NEGR1: variants seen among roughly 807,000 people sequenced by gnomAD.
NEGR1 encodes the protein IgLON family member 4.
Under a neutral mutation model 40.9 loss-of-function variants are expected in NEGR1, and 10 were observed. That is an observed-to-expected ratio of 0.24 (90% CI 0.15 to 0.42). The LOEUF is 0.42. Ranked by LOEUF, NEGR1 falls within the 10% of genes least tolerant of loss-of-function variation. The probability of loss-of-function intolerance (pLI) is 1.00; values close to 1 mark genes in which losing one functional copy is unlikely to be tolerated. For synonymous variants in NEGR1, 185 were observed against 166.8 expected, an observed-to-expected ratio of 1.11 and a Z score of -0.84; for missense variants, 352 against 438.9, an observed-to-expected ratio of 0.80 and a Z score of 1.77.
At chr1:71,501,898 T>C (rs887002608) in intron 6 of NEGR1, among the ~76,000 whole-genome samples, 2 of 152,238 alleles carry the variant, frequency 1.3e-5, no homozygotes, top group Admixed American at 6.5e-5. Flanking sequence ...AAGTTAAACA[T>C]TGATAAACAT....
intron 4 of NEGR1, among the ~76,000 whole-genome samples, chr1:71,624,136 T>G (rs1468833799): frequency 6.6e-6 from 1 of 151,956 alleles, no homozygotes; most frequent in Non-Finnish European, 1.5e-5. Flanking sequence ...GCAAAGCTTA[T>G]CTGTGAATTT....
intron 6 of NEGR1, among the ~76,000 whole-genome samples, chr1:71,562,540 C>T (rs357214): frequency 0.58 from 87,816 of 151,698 alleles, 25,959 homozygotes; most frequent in Middle Eastern, 0.66. Flanking sequence ...GCACTAGAAT[C>T]TTATGAAATC....
chr1:71,716,401 G>T (rs1419892440), intron 3 of NEGR1, among the ~76,000 whole-genome samples: 3 of 151,948 alleles, frequency 2.0e-5, no homozygotes, highest in Non-Finnish European at 4.4e-5. Context: ...CAATAAAATT[G>T]AAATTTCAAT....
chr1:72,015,565 G>A (rs1646702012), intron 1 of NEGR1, among the ~76,000 whole-genome samples: 1 of 152,130 alleles, frequency 6.6e-6, no homozygotes, highest in Non-Finnish European at 1.5e-5. Flanking sequence ...AGCACTTTGG[G>A]AGGCCAAGGC....
intron 2 of NEGR1, among the ~76,000 whole-genome samples, chr1:71,886,989 T>G (rs1006795555): frequency 2.0e-5 from 3 of 152,098 alleles, no homozygotes; most frequent in Non-Finnish European, 4.4e-5. Flanking sequence ...AACTTCTGAC[T>G]CCCCCAAAAC....
rs535942317 is a variant in NEGR1 at position 72,169,403 on chromosome 1, A to T, written c.176+112916T>A. Reference sequence around the variant, plus strand: ...TAAACAATTTATTACACTATATATTAATTTAATAGTGGCTATATTGCTCTA... The same window carrying T: ...TAAACAATTTATTACACTATATATTTATTTAATAGTGGCTATATTGCTCTA... On this transcript the variant is annotated intron_variant, in intron 1 of 6. Transcript: ENST00000357731. 2.0e-5 allele frequency among the ~76,000 whole-genome samples: 3 copies of T among 152,308 alleles called. No individual in the cohort carries two copies. In the South Asian group the frequency reaches 6.2e-4, roughly 32 times the overall value.
chr1:71,828,071 A>G (rs1658703355), intron 2 of NEGR1, among the ~76,000 whole-genome samples: 1 of 151,930 alleles, frequency 6.6e-6, no homozygotes, highest in Non-Finnish European at 1.5e-5. Context: ...TAAATTACAG[A>G]ATTATCCCAT....
rs1294797987 is a variant in NEGR1 at position 72,099,369 on chromosome 1, TA to T, written c.177-164059del. ...ATTTCTTAAATATAAGTGAGATGCT[TA>T]AAAAAATATGTACTCTTCATTACTT... On this transcript the variant is annotated intron_variant, in intron 1 of 6. Transcript: ENST00000357731. Among the ~76,000 whole-genome samples, 6 of 152,058 alleles carry T rather than the reference TA, an allele frequency of 3.9e-5. No individual in the cohort carries two copies. In the East Asian group the frequency reaches 5.8e-4, roughly 15 times the overall value.
chr1:71,946,416 A>G (rs1054572123), intron 1 of NEGR1, among the ~76,000 whole-genome samples: 4 of 152,084 alleles, frequency 2.6e-5, no homozygotes, highest in African/African-American at 7.2e-5. Flanking sequence ...GTCTTTGCCA[A>G]CCTATAATTT....
At chr1:71,739,199 G>GAAAAA (rs776411417) in intron 3 of NEGR1, among the ~76,000 whole-genome samples, 1 of 63,644 alleles carries the variant, frequency 1.6e-5, no homozygotes, top group African/African-American at 5.5e-5. Flanking sequence ...AAGGCAGGCA[G>GAAAAA]AAAAAAAAAA....
At chr1:71,716,142 AG>A (rs553383369) in intron 3 of NEGR1, among the ~76,000 whole-genome samples, 44 of 152,286 alleles carry the variant, frequency 2.9e-4, no homozygotes, top group African/African-American at 1.0e-3. Flanking sequence ...AAGTGCCAGC[AG>A]GGGAAATGCC....
At chr1:71,874,397 G>T (rs887555182) in intron 2 of NEGR1, among the ~76,000 whole-genome samples, 1 of 152,036 alleles carries the variant, frequency 6.6e-6, no homozygotes, top group Non-Finnish European at 1.5e-5. Context: ...AAATAGTAAT[G>T]GTACATATTA....
intron 1 of NEGR1, among the ~76,000 whole-genome samples, chr1:72,277,567 TC>T (rs1333595784): frequency 6.6e-6 from 1 of 152,166 alleles, no homozygotes; most frequent in Admixed American, 6.6e-5. Context: ...AAGTAATATA[TC>T]TTGCCAATAG....
chr1:71,402,483 T>G lies in NEGR1; in HGVS notation c.*4963A>C, dbSNP rs1295860921. On this transcript the variant is annotated 3_prime_UTR_variant, in exon 7 of 7. Coordinates refer to ENST00000357731, the MANE Select transcript of NEGR1 (RefSeq NM_173808.3). Reference sequence around the variant, plus strand: ...AGAAGAATGAAACGTATTCCTCTTTTCCTTTTCTCTAGGAATACCGGAAAG... The same window carrying G: ...AGAAGAATGAAACGTATTCCTCTTTGCCTTTTCTCTAGGAATACCGGAAAG... 1 of 152,154 alleles carries G rather than the reference T, an allele frequency of 6.6e-6. No individual in the cohort carries two copies. The highest frequency in any genetic ancestry group is 1.5e-5 in the Non-Finnish European group (1 of 67,992). The allele number at this position is 152,154 out of a possible 1,614,324, so 9.4% of individuals were successfully genotyped here.
At chr1:71,917,037 C>G (rs1661604451) in intron 2 of NEGR1, among the ~76,000 whole-genome samples, 1 of 152,108 alleles carries the variant, frequency 6.6e-6, no homozygotes, top group Admixed American at 6.5e-5. Flanking sequence ...TGTGTATATG[C>G]CCTCTATAGC....
chr1:71,675,966 C>T (rs1443453336), intron 4 of NEGR1, among the ~76,000 whole-genome samples: 3 of 151,792 alleles, frequency 2.0e-5, no homozygotes, highest in Admixed American at 6.6e-5. Flanking sequence ...CTGCCTGGAC[C>T]GATTTTAGTT....
At chr1:72,117,388 C>T (rs1649623322) in intron 1 of NEGR1, among the ~76,000 whole-genome samples, 1 of 151,788 alleles carries the variant, frequency 6.6e-6, no homozygotes, top group African/African-American at 2.4e-5. Flanking sequence ...CAGCAGTGTT[C>T]TGAACACAGC....
intron 4 of NEGR1, among the ~76,000 whole-genome samples, chr1:71,658,450 A>C (rs1445027450): frequency 6.6e-6 from 1 of 152,222 alleles, no homozygotes; most frequent in Non-Finnish European, 1.5e-5. Flanking sequence ...CCACATTTTC[A>C]AGTCTGTGCC....
chr1:72,282,235 G>C, intron 1 of NEGR1, 84 bp downstream of exon 1: 2 of 1,448,918 alleles, frequency 1.4e-6, no homozygotes, highest in East Asian at 2.3e-5. Context: ...ATTATTGCTT[G>C]TGTTATAAAG....
Sources: allele counts gnomAD v4.1 joint callset (sites outside exome capture counted in the v4.1 genomes callset), GRCh38; gene constraint gnomAD v4.1.1; transcripts MANE v1.5; gene names NCBI Gene and HGNC (gene_info 2026-07-23, HGNC 2026-07-21).